CIMIP4: variants seen among roughly 807,000 people sequenced by gnomAD.
CIMIP4 encodes the protein ciliary microtubule inner protein 4.
the CIMIP4 span, among the ~76,000 whole-genome samples, chr22:36,994,731 C>G: frequency 1.3e-5 from 2 of 150,842 alleles, no homozygotes; most frequent in Admixed American, 1.3e-4. Context: ...CCCGGGTTCA[C>G]GCCATTCTCC....
chr22:36,999,915 T>C, the CIMIP4 span: 1 of 1,613,868 alleles, frequency 6.2e-7, no homozygotes, highest in African/African-American at 1.3e-5. Flanking sequence ...TCCACAGGAT[T>C]CTGGGTCCTG....
the CIMIP4 span, among the ~76,000 whole-genome samples, chr22:36,991,928 T>C: frequency 6.6e-6 from 1 of 152,192 alleles, no homozygotes; most frequent in African/African-American, 2.4e-5. Flanking sequence ...GGAAAACTTA[T>C]CTCTGTTTTC....
At chr22:37,006,726 G>A in the CIMIP4 span, among the ~76,000 whole-genome samples, 2 of 152,196 alleles carry the variant, frequency 1.3e-5, no homozygotes, top group African/African-American at 4.8e-5. Flanking sequence ...AGGGCAGAGA[G>A]TGGCAGGCAG....
the CIMIP4 span, among the ~76,000 whole-genome samples, chr22:37,004,978 G>A: frequency 4.6e-5 from 7 of 152,122 alleles, no homozygotes; most frequent in Non-Finnish European, 2.9e-5. Context: ...GTGAGCCACC[G>A]TGCCCGGCCT....
the CIMIP4 span, among the ~76,000 whole-genome samples, chr22:36,991,933 G>C: frequency 6.6e-6 from 1 of 152,134 alleles, no homozygotes; most frequent in Non-Finnish European, 1.5e-5. Flanking sequence ...ACTTATCTCT[G>C]TTTTCAAAAT....
the CIMIP4 span, chr22:36,999,916 C>A: frequency 2.5e-6 from 4 of 1,614,038 alleles, no homozygotes; most frequent in Non-Finnish European, 3.4e-6. Flanking sequence ...CCACAGGATT[C>A]TGGGTCCTGC....
chr22:36,994,791 C>T, the CIMIP4 span, among the ~76,000 whole-genome samples: 5 of 151,920 alleles, frequency 3.3e-5, no homozygotes, highest in East Asian at 1.9e-4. Flanking sequence ...CCACCGCGCC[C>T]GGCTAATTTT....
At chr22:36,991,640 G>C in the CIMIP4 span, 1 of 1,476,540 alleles carries the variant, frequency 6.8e-7, no homozygotes, top group Non-Finnish European at 9.5e-7. Context: ...AGTGGCAGTC[G>C]GGTACTCCAT....
At chr22:37,000,807 A>G in the CIMIP4 span, among the ~76,000 whole-genome samples, 1 of 152,146 alleles carries the variant, frequency 6.6e-6, no homozygotes, top group Non-Finnish European at 1.5e-5. Flanking sequence ...CACAGAGTCA[A>G]CCTCAAATTG....
chr22:36,994,732 G>C, the CIMIP4 span, among the ~76,000 whole-genome samples: 1 of 149,944 alleles, frequency 6.7e-6, no homozygotes, highest in African/African-American at 2.5e-5. Context: ...CCGGGTTCAC[G>C]CCATTCTCCT....
the CIMIP4 span, chr22:36,991,287 CAGG>C: frequency 1.9e-6 from 3 of 1,613,840 alleles, no homozygotes; most frequent in African/African-American, 1.3e-5. Context: ...CTACAGCGAG[CAGG>C]AGAAGAGCCA....
At chr22:37,001,831 T>C in the CIMIP4 span, 1 of 1,563,246 alleles carries the variant, frequency 6.4e-7, no homozygotes, top group Non-Finnish European at 8.7e-7. Context: ...GCCCCTGCTA[T>C]GACACCTGCT....
the CIMIP4 span, among the ~76,000 whole-genome samples, chr22:36,991,835 G>C: frequency 6.7e-6 from 1 of 148,544 alleles, no homozygotes; most frequent in African/African-American, 2.5e-5. Flanking sequence ...CAAGAAATGA[G>C]ATTTTTTTGC....
At chr22:37,002,222 G>A in the CIMIP4 span, 1 of 1,465,468 alleles carries the variant, frequency 6.8e-7, no homozygotes, top group Admixed American at 2.8e-5. Context: ...GGTGTCCAAG[G>A]AACTGTAGGC....
At chr22:37,004,932 C>G in the CIMIP4 span, among the ~76,000 whole-genome samples, 1 of 152,282 alleles carries the variant, frequency 6.6e-6, no homozygotes, top group Non-Finnish European at 1.5e-5. Context: ...AAGTGATCCA[C>G]CCGCCTCAGC....
chr22:37,002,748 G>A, the CIMIP4 span, among the ~76,000 whole-genome samples: 9 of 152,222 alleles, frequency 5.9e-5, no homozygotes, highest in East Asian at 3.8e-4. Context: ...TGGCAGCAGC[G>A]GCACTGGCAG....
chr22:36,996,454 C>G, the CIMIP4 span, among the ~76,000 whole-genome samples: 1 of 145,490 alleles, frequency 6.9e-6, no homozygotes, highest in Non-Finnish European at 1.5e-5. Flanking sequence ...AAGAGATTCT[C>G]CTGAGTAAGT....
At chr22:36,993,001 T>C in the CIMIP4 span, among the ~76,000 whole-genome samples, 1 of 148,796 alleles carries the variant, frequency 6.7e-6, no homozygotes, top group East Asian at 1.9e-4. Context: ...TAAAGTTAAT[T>C]AAAGTTTTTT....
chr22:36,991,418 G>A, the CIMIP4 span: 1 of 1,580,798 alleles, frequency 6.3e-7, no homozygotes, highest in Non-Finnish European at 8.7e-7. Flanking sequence ...GACCCTTAGA[G>A]CCAACACACC....
Sources: gnomAD v4.1 joint callset for allele counts (sites outside exome capture counted in the v4.1 genomes callset) on GRCh38, gnomAD v4.1.1 for gene constraint, MANE v1.5 for transcripts, NCBI Gene and HGNC (gene_info 2026-07-23, HGNC 2026-07-21) for gene names.